ZMYND8: variants seen among roughly 807,000 people sequenced by gnomAD.
ZMYND8 encodes the protein MYND-type zinc finger-containing chromatin reader ZMYND8.
A neutral mutation model predicts 140.8 loss-of-function variants in ZMYND8; 37 were observed. The observed-to-expected ratio is 0.26, with a 90% CI of 0.20 to 0.35. ZMYND8 has a LOEUF of 0.35. Among genes scored for constraint, ZMYND8 ranks in the 10% least tolerant of loss-of-function variants. The pLI is 1.00. For synonymous variants in ZMYND8, 592 were observed against 597.1 expected (o/e 0.99, Z 0.12); for missense variants, 1,068 against 1,570.0 (o/e 0.68, Z 5.40).
intron 16 of ZMYND8, among the ~76,000 whole-genome samples, chr20:47,231,662 C>T (rs1187365543): frequency 6.6e-6 from 1 of 152,236 alleles, no homozygotes; most frequent in Non-Finnish European, 1.5e-5. Context: ...TTTCCGCTCC[C>T]GGCTTGCTGC....
intron 15 of ZMYND8, chr20:47,238,254 G>A (rs955848943): frequency 5.7e-6 from 1 of 174,318 alleles, no homozygotes; most frequent in Non-Finnish European, 1.2e-5. Context: ...AAAACATGCT[G>A]ATGGGTGGGG....
rs1286981099 is a variant in ZMYND8, at chr20:47,270,607, C to T, written c.1480+5707G>A. On this transcript the variant is annotated intron_variant, in intron 11 of 22. Transcript: ENST00000471951. ...TGGGTGTGGTGGTATGTGCCTGTAG[C>T]CCCAGCTACTCAGGAGGCTAAGGCG... Among the ~76,000 whole-genome samples the T allele has an allele frequency of 2.0e-5, 3 of 146,710 alleles. No individual in the cohort carries two copies. In the East Asian group the frequency reaches 6.1e-4, roughly 30 times the overall value.
intron 12 of ZMYND8, among the ~76,000 whole-genome samples, chr20:47,257,673 C>T (rs529947340): frequency 6.6e-6 from 1 of 152,152 alleles, no homozygotes; most frequent in African/African-American, 2.4e-5. Flanking sequence ...ACCCAATATA[C>T]ATACATATAC....
chr20:47,318,378 G>A (rs995214034), intron 2 of ZMYND8: 4 of 317,718 alleles, frequency 1.3e-5, no homozygotes, highest in Non-Finnish European at 2.4e-5. Flanking sequence ...TCACTTCAAA[G>A]CGTTTCCCAA....
intron 2 of ZMYND8, chr20:47,320,392 A>T (rs1416316926): frequency 6.6e-6 from 1 of 152,348 alleles, no homozygotes; most frequent in African/African-American, 2.4e-5. Context: ...CAGACCCAAC[A>T]TGTCACCCAA....
At chr20:47,349,838 G>A (rs554174409) in intron 1 of ZMYND8, 2 of 1,519,402 alleles carry the variant, frequency 1.3e-6, no homozygotes, top group East Asian at 4.9e-5. Context: ...CAATTATGCA[G>A]AACTGAGCCA....
At chr20:47,242,251 T>G (rs956960348) in intron 14 of ZMYND8, among the ~76,000 whole-genome samples, 11 of 152,148 alleles carry the variant, frequency 7.2e-5, no homozygotes, top group Admixed American at 1.3e-4. Flanking sequence ...TATCCCGACT[T>G]CAGAGGGCGT....
chr20:47,262,058 C>T lies in ZMYND8; in HGVS notation c.1621+230G>A, dbSNP rs182751166. ...TGCACTCCAGCCTGGGCAACAAGAG[C>T]GAAACTCCATCTCAAAAAAAAAAAA... On this transcript the variant is annotated intron_variant, in intron 12 of 22. Coordinates refer to ENST00000471951, the MANE Select transcript of ZMYND8 (RefSeq NM_001281775.3). Among the ~76,000 whole-genome samples, 818 of 151,622 alleles carry T rather than the reference C, an allele frequency of 5.4e-3. 8 individuals are homozygous for T. Among genetic ancestry groups the T allele is most frequent in the African/African-American group, 0.018 (739 of 41,316 alleles).
rs140695673 is a variant in ZMYND8, at chr20:47,315,256, TG to T, written c.86-5053del. The stretch of plus-strand genomic sequence containing the variant: ...GGGGAGGTGGGTCCTAGCCCAAGCA[TG>T]CCCACACCTGAGAGTATTCCAAACC... On this transcript the variant is annotated intron_variant, in intron 2 of 22. Transcript: ENST00000471951. Among the ~76,000 whole-genome samples, 868 of 152,316 alleles carry T rather than the reference TG, an allele frequency of 5.7e-3. 7 individuals carry two copies. The highest frequency in any genetic ancestry group is 0.02 in the African/African-American group (833 of 41,574).
Position 47,291,884 on chromosome 20 carries a change from T to G in ZMYND8, c.572A>C (p.Asp191Ala). ...AIQKMKQPGT[D>A]AFQKPVPLEQ... ...CAATGGAACGGGCTTCTGGAATGCA[T>G]CTGTCTATAAAAGAGAAGATATGCA... is the stretch of plus-strand genomic sequence containing the variant. The change falls in exon 6 of 23, where the codon GAT (aspartate) becomes GCT (alanine). Residue 191 changes from aspartate (D) to alanine (A), a missense_variant. Physicochemically the swap from Asp to Ala is moderately radical, Grantham distance 126 (BLOSUM62 -2). Coordinates refer to ENST00000471951, the MANE Select transcript of ZMYND8 (RefSeq NM_001281775.3). 1 of 1,612,148 alleles carries G rather than the reference T, an allele frequency of 6.2e-7. No homozygotes were observed. The highest frequency in any genetic ancestry group is 8.5e-7 in the Non-Finnish European group (1 of 1,179,102).
chr20:47,228,759 G>C (rs879852899), intron 17 of ZMYND8, among the ~76,000 whole-genome samples: 2 of 152,082 alleles, frequency 1.3e-5, no homozygotes, highest in African/African-American at 2.4e-5. Flanking sequence ...AGTCCTAAAA[G>C]GTCAATAGCT....
intron 2 of ZMYND8, among the ~76,000 whole-genome samples, chr20:47,338,909 G>C (rs1404175467): frequency 6.6e-6 from 1 of 152,002 alleles, no homozygotes; most frequent in Non-Finnish European, 1.5e-5. Context: ...CTCCTAGATG[G>C]AGAGAAGCAA....
At chr20:47,355,175 A>C (rs2083117907) in intron 1 of ZMYND8, among the ~76,000 whole-genome samples, 1 of 152,146 alleles carries the variant, frequency 6.6e-6, no homozygotes, top group Non-Finnish European at 1.5e-5. Context: ...AAACCCCATT[A>C]AAGGTCTAGA....
chr20:47,342,415 T>C (rs1420851353), intron 2 of ZMYND8, among the ~76,000 whole-genome samples: 6 of 141,770 alleles, frequency 4.2e-5, no homozygotes, highest in African/African-American at 1.6e-4. Flanking sequence ...GGCGTGGTGG[T>C]GCGCTCCTGC....
At chr20:47,214,705 G>T (rs1254830076) in intron 21 of ZMYND8, among the ~76,000 whole-genome samples, 1 of 152,100 alleles carries the variant, frequency 6.6e-6, no homozygotes, top group Non-Finnish European at 1.5e-5. Context: ...ATGTTGGTCA[G>T]GCTGGTCTTG....
chr20:47,282,358 G>A (rs764196974), intron 9 of ZMYND8, 141 bp from the exon 10 acceptor site: 1 of 639,658 alleles, frequency 1.6e-6, no homozygotes, highest in Non-Finnish European at 2.6e-6. Flanking sequence ...GTCGGCCTGT[G>A]TGGTATTCCC....
intron 2 of ZMYND8, among the ~76,000 whole-genome samples, chr20:47,311,828 C>A (rs559735388): frequency 6.6e-6 from 1 of 152,296 alleles, no homozygotes; most frequent in East Asian, 1.9e-4. Context: ...CGAGATCACA[C>A]CACTGCACTC....
chr20:47,243,323 T>C (rs2040188488), intron 14 of ZMYND8, among the ~76,000 whole-genome samples: 1 of 152,198 alleles, frequency 6.6e-6, no homozygotes, highest in African/African-American at 2.4e-5. Flanking sequence ...CACCATCAGC[T>C]CTGAATTTAA....
chr20:47,295,949 T>G (rs1425985845), intron 4 of ZMYND8, among the ~76,000 whole-genome samples: 2 of 151,976 alleles, frequency 1.3e-5, no homozygotes, highest in Non-Finnish European at 2.9e-5. Flanking sequence ...TTTCCATTTT[T>G]CACATCTCTG....
Sources: gnomAD v4.1 joint callset for allele counts (sites outside exome capture counted in the v4.1 genomes callset) on GRCh38, gnomAD v4.1.1 for gene constraint, MANE v1.5 for transcripts, NCBI Gene and HGNC (gene_info 2026-07-23, HGNC 2026-07-21) for gene names.